GALNT13: variants seen among roughly 807,000 people sequenced by gnomAD.
GALNT13 encodes UDP-GalNAc:polypeptide N-acetylgalactosaminyltransferase 13.
In GALNT13, 28 loss-of-function variants were observed where a neutral mutation model predicts 64.2. That is an observed-to-expected ratio of 0.44 (90% CI 0.32 to 0.60). The LOEUF is 0.60. GALNT13 is among the 20% of genes least tolerant of loss of function. The pLI is 0.05. For missense variants in GALNT13, 577 were observed against 669.8 expected (o/e 0.86, Z 1.53); for synonymous variants, 214 against 224.6 (o/e 0.95, Z 0.42).
At chr2:153,542,086 G>A in the GALNT13 span, among the ~76,000 whole-genome samples, 1 of 152,102 alleles carries the variant, frequency 6.6e-6, no homozygotes, top group Non-Finnish European at 1.5e-5. Context: ...GGGAGGCTGA[G>A]GCGGGTGGAA....
At chr2:153,568,048 C>T in the GALNT13 span, among the ~76,000 whole-genome samples, 2 of 152,256 alleles carry the variant, frequency 1.3e-5, no homozygotes, top group African/African-American at 4.8e-5. Flanking sequence ...TCTATTATTT[C>T]TGCCATTTCC....
the GALNT13 span, among the ~76,000 whole-genome samples, chr2:153,652,693 G>A: frequency 1.3e-5 from 2 of 152,078 alleles, no homozygotes; most frequent in African/African-American, 4.8e-5. Context: ...CTGTTAGTTT[G>A]AAAATAAAAT....
the GALNT13 span, among the ~76,000 whole-genome samples, chr2:153,294,247 G>A: frequency 6.6e-6 from 1 of 152,076 alleles, no homozygotes; most frequent in Non-Finnish European, 1.5e-5. Flanking sequence ...GGGATGTGAG[G>A]AACTTCCTTG....
intron 10 of GALNT13, among the ~76,000 whole-genome samples, chr2:154,397,436 C>A (rs910283343): frequency 1.3e-5 from 2 of 151,912 alleles, no homozygotes; most frequent in Non-Finnish European, 2.9e-5. Flanking sequence ...GAGACTCCAA[C>A]GACAACAAAA....
chr2:153,310,180 T>C, the GALNT13 span, among the ~76,000 whole-genome samples: 1 of 152,236 alleles, frequency 6.6e-6, no homozygotes, highest in African/African-American at 2.4e-5. Context: ...TATTTTTGAA[T>C]ATTTGAGAAA....
intron 8 of GALNT13, among the ~76,000 whole-genome samples, chr2:154,292,132 G>A (rs1204022157): frequency 6.6e-6 from 1 of 152,064 alleles, no homozygotes; most frequent in Non-Finnish European, 1.5e-5. Flanking sequence ...TTTGATGTGA[G>A]TATTTCTCAG....
At chr2:153,253,077 T>G in the GALNT13 span, among the ~76,000 whole-genome samples, 2 of 151,872 alleles carry the variant, frequency 1.3e-5, no homozygotes, top group Non-Finnish European at 2.9e-5. Context: ...GCCATTTTCA[T>G]GATATTGATT....
the GALNT13 span, among the ~76,000 whole-genome samples, chr2:153,114,580 A>G: frequency 6.6e-6 from 1 of 152,154 alleles, no homozygotes; most frequent in South Asian, 2.1e-4. Flanking sequence ...GAGAGCTGAC[A>G]CCAGTGAAGT....
chr2:153,146,450 T>C, the GALNT13 span, among the ~76,000 whole-genome samples: 17 of 151,868 alleles, frequency 1.1e-4, no homozygotes, highest in African/African-American at 4.1e-4. Flanking sequence ...CCGAAAGTCA[T>C]GGAGGAAAAC....
At chr2:153,794,092 G>A in the GALNT13 span, among the ~76,000 whole-genome samples, 1 of 152,032 alleles carries the variant, frequency 6.6e-6, no homozygotes, top group Non-Finnish European at 1.5e-5. Context: ...TTACATTTTA[G>A]TCTGGAAGCC....
rs1314357579 is a variant in GALNT13 at position 153,989,765 on chromosome 2, T to A, written c.142+45126T>A. Among the ~76,000 whole-genome samples the A allele has an allele frequency of 6.6e-5, 10 of 152,014 alleles. 1 individual carries two copies. Among genetic ancestry groups the A allele is most frequent in the Admixed American group, 6.6e-4 (10 of 15,238 alleles). ...TTTCCTGCTCTCATATGTCAGGGAT[T>A]TAGTTGGAAATGCTAGGAAGTGAAA... On this transcript the variant is annotated intron_variant, in intron 3 of 12. Coordinates refer to ENST00000392825, the MANE Select transcript of GALNT13 (RefSeq NM_052917.4).
chr2:153,417,810 A>G, the GALNT13 span, among the ~76,000 whole-genome samples: 2 of 152,302 alleles, frequency 1.3e-5, no homozygotes, highest in South Asian at 4.1e-4. Flanking sequence ...AAAGTCCAGG[A>G]TGAATATATA....
At chr2:153,621,828 A>G in the GALNT13 span, among the ~76,000 whole-genome samples, 1 of 152,056 alleles carries the variant, frequency 6.6e-6, no homozygotes, top group African/African-American at 2.4e-5. Flanking sequence ...CCTGGAGCTC[A>G]CCCTTTAGGT....
chr2:154,056,683 A>G (rs1268961911), intron 3 of GALNT13, among the ~76,000 whole-genome samples: 1 of 152,170 alleles, frequency 6.6e-6, no homozygotes, highest in Non-Finnish European at 1.5e-5. Flanking sequence ...TGTCATTGAT[A>G]AAAACATCAT....
At chr2:153,389,127 A>C in the GALNT13 span, among the ~76,000 whole-genome samples, 1 of 152,096 alleles carries the variant, frequency 6.6e-6, no homozygotes, top group African/African-American at 2.4e-5. Flanking sequence ...AGAGTTGTTA[A>C]TTTGCTAATA....
chr2:154,287,805 T>A (rs1354145173), intron 8 of GALNT13, among the ~76,000 whole-genome samples: 1 of 152,098 alleles, frequency 6.6e-6, no homozygotes, highest in Non-Finnish European at 1.5e-5. Flanking sequence ...TATCTTTTAT[T>A]TGAAATGTAT....
intron 9 of GALNT13, among the ~76,000 whole-genome samples, chr2:154,362,234 T>G (rs1697110638): frequency 3.3e-5 from 5 of 151,654 alleles, no homozygotes; most frequent in Admixed American, 3.3e-4. Context: ...GATCACAAAT[T>G]CTACCCCCAC....
chr2:153,185,245 G>C, the GALNT13 span, among the ~76,000 whole-genome samples: 86 of 152,260 alleles, frequency 5.6e-4, no homozygotes, highest in South Asian at 1.5e-3. Flanking sequence ...TAGCTCATTT[G>C]CATAGGAGTG....
the GALNT13 span, among the ~76,000 whole-genome samples, chr2:153,853,112 G>A: frequency 9.2e-5 from 14 of 152,134 alleles, no homozygotes; most frequent in South Asian, 2.1e-4. Context: ...TTTAGAGTCC[G>A]ATCTTTGAGG....
Sources: allele counts gnomAD v4.1 joint callset (sites outside exome capture counted in the v4.1 genomes callset), GRCh38; gene constraint gnomAD v4.1.1; transcripts MANE v1.5; gene names NCBI Gene and HGNC (gene_info 2026-07-23, HGNC 2026-07-21).